The following PCDHA5 variants were observed in gnomAD, a reference collection of about 807,000 sequenced individuals.
PCDHA5 encodes protocadherin alpha 5, also known as protocadherin alpha-5.
In PCDHA5, 43 loss-of-function variants were observed where a neutral mutation model predicts 61.6. The observed-to-expected ratio is 0.70, with a 90% CI of 0.55 to 0.90. PCDHA5 has a LOEUF of 0.90. PCDHA5 is among the 40% of genes least tolerant of loss of function. The pLI is 0.00. For missense variants in PCDHA5, 1,298 were observed against 1,222.7 expected (o/e 1.06, Z -0.92); for synonymous variants, 627 against 543.9 (o/e 1.15, Z -2.13).
intron 1 of PCDHA5, among the ~76,000 whole-genome samples, chr5:140,947,308 A>G (rs1554218155): frequency 1.3e-5 from 2 of 151,606 alleles, no homozygotes; most frequent in Non-Finnish European, 3.0e-5. Context: ...ACATCTTTGT[A>G]AAAAGTCGGT....
intron 1 of PCDHA5, chr5:140,848,753 G>A (rs1405880656): frequency 2.5e-6 from 4 of 1,593,302 alleles, no homozygotes; most frequent in African/African-American, 1.3e-5. Context: ...TTTTGTTTGT[G>A]AATTCTCGGA....
intron 1 of PCDHA5, chr5:140,863,718 G>A (rs2048134284): frequency 3.6e-6 from 1 of 274,680 alleles, no homozygotes; most frequent in South Asian, 3.9e-5. Flanking sequence ...ACTGGGGCCG[G>A]GTGCGGTAGC....
chr5:140,884,684 T>C (rs2060315542), intron 1 of PCDHA5: 1 of 1,543,214 alleles, frequency 6.5e-7, no homozygotes. Flanking sequence ...TTTTAAAAAA[T>C]TGTCTTAGTA....
intron 1 of PCDHA5, chr5:140,875,939 G>A (rs2055971750): frequency 6.2e-7 from 1 of 1,614,158 alleles, no homozygotes; most frequent in Non-Finnish European, 8.5e-7. Flanking sequence ...CCTCTAGAGG[G>A]CGCTTCTGAT....
intron 1 of PCDHA5, among the ~76,000 whole-genome samples, chr5:140,936,341 A>G (rs954946684): frequency 7.2e-5 from 11 of 152,172 alleles, no homozygotes; most frequent in African/African-American, 2.7e-4. Flanking sequence ...CTCTATCTGC[A>G]TATATGGAAT....
At chr5:140,907,197 A>G (rs2073229380) in intron 1 of PCDHA5, among the ~76,000 whole-genome samples, 1 of 152,166 alleles carries the variant, frequency 6.6e-6, no homozygotes, top group Non-Finnish European at 1.5e-5. Context: ...AACCTTCTGG[A>G]GAATTTTGCC....
intron 1 of PCDHA5, among the ~76,000 whole-genome samples, chr5:140,886,239 TAAATA>T (rs2060905359): frequency 6.6e-6 from 1 of 152,062 alleles, no homozygotes; most frequent in African/African-American, 2.4e-5. Context: ...ACTTCAGAAA[TAAATA>T]AAAGTATCTC....
intron 1 of PCDHA5, chr5:140,841,561 G>T (rs2150318242): frequency 8.1e-6 from 13 of 1,613,932 alleles, no homozygotes; most frequent in Non-Finnish European, 1.1e-5. Context: ...TAAGTCTGCA[G>T]AATGGCATTT....
In PCDHA5 at chr5:140,852,924, G is replaced by T. The variant is rs1007993116; in HGVS notation, c.2352+28797G>T. On this transcript the variant is annotated intron_variant, in intron 1 of 3. Transcript: ENST00000529859. The stretch of plus-strand genomic sequence containing the variant: ...GTCAGAGTCTCGCTCTGTTGCCCAG[G>T]CTGGAGTGCAGTGGTGCCATCTTGG... 2.1e-5 allele frequency: 15 copies of T among 707,860 alleles called. 2 individuals are homozygous for T. In the African/African-American group the frequency reaches 2.9e-4, roughly 14 times the overall value. The allele number at this position is 707,860 out of a possible 1,614,324, so 43.8% of individuals were successfully genotyped here.
intron 1 of PCDHA5, among the ~76,000 whole-genome samples, chr5:140,888,729 T>G (rs1214867910): frequency 6.6e-6 from 1 of 152,156 alleles, no homozygotes; most frequent in Admixed American, 6.5e-5. Context: ...CAGCCCTTTG[T>G]GAGCTCTAGG....
At position 140,823,599 on chromosome 5, in the gene PCDHA5, T is replaced by G. The variant is rs1554129472; in HGVS notation, c.1824T>G (p.Tyr608Ter). ...PDSGYNAWLS[Y>*]ELQPAPGSAR... The stretch of plus-strand genomic sequence containing the variant: ...CGGGCTACAACGCTTGGCTTTCGTA[T>G]GAGCTGCAGCCAGCGCCTGGCAGTG... The change falls in exon 1 of 4, where the codon TAT becomes TAG. Residue 608 changes from tyrosine (Y) to a stop codon, truncating the protein, a stop_gained. Coordinates refer to ENST00000529859, the MANE Select transcript of PCDHA5 (RefSeq NM_018908.3). LOFTEE classifies it high-confidence loss of function. The G allele has an allele frequency of 1.2e-6, 2 of 1,614,006 alleles. No individual in the cohort carries two copies. The highest frequency in any genetic ancestry group is 1.7e-6 in the Non-Finnish European group (2 of 1,179,910).
At chr5:140,967,473 C>G in intron 1 of PCDHA5, 1 of 1,613,362 alleles carries the variant, frequency 6.2e-7, no homozygotes, top group Admixed American at 1.7e-5. Context: ...GGCATCCCAG[C>G]CCGCTCGGGT....
At chr5:140,856,225 G>A (rs1554148421) in intron 1 of PCDHA5, 1 of 1,598,066 alleles carries the variant, frequency 6.3e-7, no homozygotes, top group Non-Finnish European at 8.6e-7. Context: ...CGGAGCTGGT[G>A]CAGCGCCTGT....
At chr5:140,972,132 A>C (rs1412850121) in intron 1 of PCDHA5, among the ~76,000 whole-genome samples, 9 of 152,062 alleles carry the variant, frequency 5.9e-5, no homozygotes, top group African/African-American at 2.2e-4. Context: ...TCAGTGAGTT[A>C]CTACTATTTT....
At chr5:140,968,442 T>C in intron 1 of PCDHA5, 1 of 1,614,068 alleles carries the variant, frequency 6.2e-7, no homozygotes, top group Non-Finnish European at 8.5e-7. Flanking sequence ...AGCCCACCAC[T>C]GAGCAGCACT....
At chr5:140,985,072 A>C (rs2097134751) in intron 3 of PCDHA5, among the ~76,000 whole-genome samples, 1 of 151,864 alleles carries the variant, frequency 6.6e-6, no homozygotes, top group Admixed American at 6.6e-5. Flanking sequence ...TGAGTAGCTG[A>C]GACTACAGGC....
Position 141,003,903 on chromosome 5 carries a change from G to C in PCDHA5, c.2501-5724G>C, listed in dbSNP as rs150270772. Among the ~76,000 whole-genome samples, 254 of 152,194 alleles carry C rather than the reference G, an allele frequency of 1.7e-3. 1 individual carries two copies. Among genetic ancestry groups the C allele is most frequent in the Non-Finnish European group, 3.4e-3 (231 of 67,998 alleles). ...AGCCTCTTAACAGGCCCATTCATTT[G>C]GGTCTTGACTGCATCCTCAGTCTTG... On this transcript the variant is annotated intron_variant, in intron 3 of 3. Coordinates refer to ENST00000529859, the MANE Select transcript of PCDHA5 (RefSeq NM_018908.3).
At position 140,823,264 on chromosome 5, in the gene PCDHA5, C is replaced by A. The variant is rs1052475502; in HGVS notation, c.1489C>A (p.Arg497=). 4 of 1,612,792 alleles carry A rather than the reference C, an allele frequency of 2.5e-6. No individual in the cohort carries two copies. The highest frequency in any genetic ancestry group is 2.5e-6 in the Non-Finnish European group (3 of 1,179,768). ...GGTGTCCTACTCGCTGGTGGAGCGG[C>A]GGGTGGGCGAGCGCCCGCTGTCGAG... The part of the protein sequence containing the change: ...ALVSYSLVER[R]VGERPLSSYV... The change falls in exon 1 of 4, where the codon CGG becomes AGG. Residue 497 remains arginine (R), a synonymous_variant. Transcript: ENST00000529859.
chr5:140,989,387 T>A (rs1269344397), intron 3 of PCDHA5, among the ~76,000 whole-genome samples: 2 of 152,122 alleles, frequency 1.3e-5, no homozygotes, highest in Non-Finnish European at 2.9e-5. Context: ...GTGGGAAAGA[T>A]GATATGGAGG....
Sources: allele counts gnomAD v4.1 joint callset (sites outside exome capture counted in the v4.1 genomes callset), GRCh38; gene constraint gnomAD v4.1.1; transcripts MANE v1.5; gene names NCBI Gene and HGNC (gene_info 2026-07-23, HGNC 2026-07-21).